The following JAKMIP2 variants were observed in gnomAD, a reference collection of about 807,000 sequenced individuals.
JAKMIP2 encodes the protein janus kinase and microtubule interacting protein 2.
Under a neutral mutation model 115.0 loss-of-function variants are expected in JAKMIP2, and 25 were observed. That is an observed-to-expected ratio of 0.22 (90% CI 0.16 to 0.30). The LOEUF (loss-of-function observed/expected upper bound fraction) is 0.30. Ranked by LOEUF, JAKMIP2 falls within the 10% of genes least tolerant of loss-of-function variation. The pLI is 1.00. For synonymous variants in JAKMIP2, 334 were observed against 343.6 expected, an observed-to-expected ratio of 0.97 and a Z score of 0.31; for missense variants, 642 against 957.6, an observed-to-expected ratio of 0.67 and a Z score of 4.35.
chr5:147,661,501 C>G (rs1256279928), intron 2 of JAKMIP2, 56 bp from the exon 3 acceptor site: 1 of 1,538,292 alleles, frequency 6.5e-7, no homozygotes. Flanking sequence ...GACGGGTGTG[C>G]TCCTAGGCAG....
In JAKMIP2 at chr5:147,606,313, T is replaced by C. The variant is rs377594700; in HGVS notation, c.2413-4502A>G. Among the ~76,000 whole-genome samples the C allele has an allele frequency of 2.0e-5, 3 of 152,240 alleles. No individual in the cohort carries two copies. The East Asian group carries it at 5.8e-4, about 29-fold the overall frequency. On this transcript the variant is annotated intron_variant, in intron 20 of 21. Transcript: ENST00000616793. ...TTTTCTTCTAAGGTTTTTATGGTTTTAGGTCTTACGTTTAAATCTTTAATC... is the reference window on the plus strand; with the variant it reads ...TTTTCTTCTAAGGTTTTTATGGTTTCAGGTCTTACGTTTAAATCTTTAATC...
chr5:147,771,377 G>A (rs1435997808), intron 1 of JAKMIP2, among the ~76,000 whole-genome samples: 1 of 151,912 alleles, frequency 6.6e-6, no homozygotes, highest in African/African-American at 2.4e-5. Flanking sequence ...TTAGTGCAAT[G>A]CTAGTATCTA....
At chr5:147,621,717 G>A (rs1756856610) in intron 17 of JAKMIP2, among the ~76,000 whole-genome samples, 1 of 152,244 alleles carries the variant, frequency 6.6e-6, no homozygotes, top group South Asian at 2.1e-4. Flanking sequence ...TAACCTCTTA[G>A]TAAAATGTGA....
intron 2 of JAKMIP2, among the ~76,000 whole-genome samples, chr5:147,665,760 T>C (rs1166244192): frequency 6.6e-6 from 1 of 152,222 alleles, no homozygotes; most frequent in East Asian, 1.9e-4. Flanking sequence ...TGTAAAGTAC[T>C]ATGAAGTGTA....
At chr5:147,651,055 C>T (rs1389142603) in intron 3 of JAKMIP2, among the ~76,000 whole-genome samples, 1 of 151,962 alleles carries the variant, frequency 6.6e-6, no homozygotes, top group Non-Finnish European at 1.5e-5. Flanking sequence ...CCAAGACTAA[C>T]ATGCTTGCAT....
At chr5:147,626,639 C>G (rs1382974595) in intron 16 of JAKMIP2, among the ~76,000 whole-genome samples, 3 of 152,154 alleles carry the variant, frequency 2.0e-5, no homozygotes, top group African/African-American at 4.8e-5. Flanking sequence ...AGGAGCACTG[C>G]GCAAGTCTTG....
In JAKMIP2 at chr5:147,690,992, CT is replaced by C. The variant is rs947342959; in HGVS notation, c.-148-19039del. Among the ~76,000 whole-genome samples the C allele has an allele frequency of 2.8e-4, 43 of 152,164 alleles. 1 individual carries two copies. Among genetic ancestry groups the C allele is most frequent in the African/African-American group, 1.0e-3 (42 of 41,508 alleles). ...GTGCCTGAAGCTCTATTCTGGTCTC[CT>C]TTTCCTCATGGGTTATCTCACCCAC... On this transcript the variant is annotated intron_variant, in intron 1 of 21. Transcript: ENST00000616793.
At chr5:147,607,234 G>A (rs1404900462) in intron 20 of JAKMIP2, among the ~76,000 whole-genome samples, 1 of 152,186 alleles carries the variant, frequency 6.6e-6, no homozygotes, top group Non-Finnish European at 1.5e-5. Context: ...GTAAGAGACA[G>A]CATCCTTGTT....
chr5:147,613,010 G>A (rs559363304), intron 19 of JAKMIP2, among the ~76,000 whole-genome samples: 6 of 152,262 alleles, frequency 3.9e-5, no homozygotes, highest in Non-Finnish European at 8.8e-5. Flanking sequence ...ACATTCCCAG[G>A]AGGGAACTGG....
rs568166041 is a variant in JAKMIP2 at position 147,707,999 on chromosome 5, A to G, written c.-148-36045T>C. On this transcript the variant is annotated intron_variant, in intron 1 of 21. Transcript: ENST00000616793. ...CCAAAGATTGTGAGAGAAGAGGGCA[A>G]TTTAAATTGGTATTTTATATTTATC... 2.6e-4 allele frequency among the ~76,000 whole-genome samples: 40 copies of G among 152,314 alleles called. 1 individual carries two copies. The highest frequency in any genetic ancestry group is 9.1e-4 in the African/African-American group (38 of 41,578).
chr5:147,737,135 C>A (rs1474813649), intron 1 of JAKMIP2, among the ~76,000 whole-genome samples: 3 of 152,110 alleles, frequency 2.0e-5, no homozygotes, highest in African/African-American at 7.2e-5. Context: ...CCTGATGTGG[C>A]AGAATGAAAA....
chr5:147,603,602 T>C (rs1464722661), intron 20 of JAKMIP2, among the ~76,000 whole-genome samples: 1 of 152,224 alleles, frequency 6.6e-6, no homozygotes. Flanking sequence ...AGGTGAATCA[T>C]AAACCTCATC....
chr5:147,595,318 T>G (rs1425047821), intron 21 of JAKMIP2: 3 of 365,354 alleles, frequency 8.2e-6, no homozygotes, highest in Non-Finnish European at 1.7e-5. Context: ...TAGGAGGTTA[T>G]TAGGCCATGA....
intron 20 of JAKMIP2, among the ~76,000 whole-genome samples, chr5:147,603,896 G>A (rs977341420): frequency 2.6e-5 from 4 of 152,086 alleles, no homozygotes; most frequent in Non-Finnish European, 2.9e-5. Flanking sequence ...GGGTGATGAC[G>A]TTGATAGATT....
chr5:147,635,906 C>A (rs1219059083), intron 12 of JAKMIP2, among the ~76,000 whole-genome samples: 2 of 151,768 alleles, frequency 1.3e-5, no homozygotes, highest in African/African-American at 4.8e-5. Flanking sequence ...AGGATGTGCA[C>A]GTGTGTGTGT....
intron 1 of JAKMIP2, among the ~76,000 whole-genome samples, chr5:147,776,829 A>C (rs538984977): frequency 4.7e-4 from 72 of 152,214 alleles, no homozygotes; most frequent in Non-Finnish European, 5.0e-4. Flanking sequence ...TCAGGAGACT[A>C]AGGCACAAGA....
chr5:147,712,590 C>A (rs1022843153), intron 1 of JAKMIP2, among the ~76,000 whole-genome samples: 1 of 152,104 alleles, frequency 6.6e-6, no homozygotes, highest in Non-Finnish European at 1.5e-5. Flanking sequence ...GCATTCTCAT[C>A]TCTTCGTGTG....
chr5:147,722,876 T>A (rs1753370560), intron 1 of JAKMIP2, among the ~76,000 whole-genome samples: 1 of 152,064 alleles, frequency 6.6e-6, no homozygotes, highest in Non-Finnish European at 1.5e-5. Context: ...TTTTTTTTTA[T>A]CCCTCTGCAT....
rs183336680 is a variant in JAKMIP2 at position 147,775,527 on chromosome 5, C to T, written c.-149+6929G>A. On this transcript the variant is annotated intron_variant, in intron 1 of 21. Transcript: ENST00000616793. The stretch of plus-strand genomic sequence containing the variant: ...TTTTAAAAGAAAATAAAAAGATCCA[C>T]GGAAGTGTTCATAATCTTTCTTACT... 3.3e-4 allele frequency among the ~76,000 whole-genome samples: 50 copies of T among 152,236 alleles called. 1 individual carries two copies. The highest frequency in any genetic ancestry group is 1.2e-3 in the African/African-American group (50 of 41,538).
Sources: allele counts gnomAD v4.1 joint callset (sites outside exome capture counted in the v4.1 genomes callset), GRCh38; gene constraint gnomAD v4.1.1; transcripts MANE v1.5; gene names NCBI Gene and HGNC (gene_info 2026-07-23, HGNC 2026-07-21).